The following TPGS2 variants were observed in gnomAD, a reference collection of about 807,000 sequenced individuals.
TPGS2 encodes the protein tubulin polyglutamylase complex subunit 2, also known as polyglutamylase subunit 2.
Under a neutral mutation model 31.1 loss-of-function variants are expected in TPGS2, and 26 were observed. That is an observed-to-expected ratio of 0.84 (90% CI 0.61 to 1.16). The LOEUF is 1.16. TPGS2 is among the 50% of genes most tolerant of loss of function. The probability of loss-of-function intolerance (pLI) is 0.00; values close to 1 mark genes in which losing one functional copy is unlikely to be tolerated. For synonymous variants in TPGS2, 130 were observed against 136.6 expected (o/e 0.95, Z 0.34); for missense variants, 351 against 363.8 (o/e 0.96, Z 0.29).
intron 2 of TPGS2, among the ~76,000 whole-genome samples, chr18:36,810,222 C>T (rs1177696260): frequency 6.6e-6 from 1 of 152,174 alleles, no homozygotes; most frequent in African/African-American, 2.4e-5. Context: ...CTGCATGTAG[C>T]TCTTCTGAGT....
At chr18:36,786,560 C>A (rs1039932596) in intron 6 of TPGS2, 2 of 258,104 alleles carry the variant, frequency 7.7e-6, no homozygotes, top group African/African-American at 2.2e-5. Flanking sequence ...CATGACTTAA[C>A]CCTTGGCTGA....
intron 4 of TPGS2, 37 bp from the exon 5 acceptor site, chr18:36,800,348 A>G (rs1344169348): frequency 6.3e-7 from 1 of 1,591,794 alleles, no homozygotes; most frequent in East Asian, 2.2e-5. Flanking sequence ...GTTCAAACAA[A>G]CTCAACTCAA....
chr18:36,791,910 G>T (rs1415747579), downstream of TPGS2, among the ~76,000 whole-genome samples: 1 of 151,558 alleles, frequency 6.6e-6, no homozygotes, highest in Non-Finnish European at 1.5e-5. Context: ...TGTGCCTCTG[G>T]TCCCAGGTAC....
downstream of TPGS2, among the ~76,000 whole-genome samples, chr18:36,791,597 A>G: frequency 6.6e-6 from 1 of 152,204 alleles, no homozygotes; most frequent in East Asian, 1.9e-4. Flanking sequence ...AAGGGGCAAA[A>G]GAGGAGCTAA....
At chr18:36,784,560 G>A (rs1360828899) in intron 6 of TPGS2, among the ~76,000 whole-genome samples, 2 of 152,220 alleles carry the variant, frequency 1.3e-5, no homozygotes, top group African/African-American at 2.4e-5. Flanking sequence ...GGTCTATTTG[G>A]TAGAAAAATC....
intron 2 of TPGS2, among the ~76,000 whole-genome samples, chr18:36,808,376 T>A (rs749133420): frequency 6.6e-6 from 1 of 151,984 alleles, no homozygotes; most frequent in Admixed American, 6.6e-5. Context: ...AAGTGAAGAG[T>A]GCCTGTAATC....
Position 36,794,564 on chromosome 18 carries a change from T to C in TPGS2, c.*2241A>G. ...AGATGACATAACTTCTCAACTCCCT[T>C]CTAACCTCGCTTGTCTTGGAGAAGC... On this transcript the variant is annotated 3_prime_UTR_variant, in exon 7 of 7. Transcript: ENST00000334295. The C allele has an allele frequency of 1.0e-6, 1 of 985,386 alleles. No individual in the cohort carries two copies. The highest frequency in any genetic ancestry group is 1.7e-5 in the African/African-American group (1 of 57,342). 61.0% of individuals were successfully genotyped at this position (985,386 alleles called of 1,614,324 possible).
intron 6 of TPGS2, among the ~76,000 whole-genome samples, chr18:36,785,827 A>T (rs191906234): frequency 2.2e-4 from 33 of 152,344 alleles, no homozygotes; most frequent in Non-Finnish European, 4.4e-4. Context: ...TAGGATCTGT[A>T]ACTCTGGAGA....
intron 2 of TPGS2, 71 bp from the exon 3 acceptor site, chr18:36,808,005 C>T: frequency 6.9e-7 from 1 of 1,452,104 alleles, no homozygotes; most frequent in Non-Finnish European, 9.6e-7. Flanking sequence ...GCTTAAGGCA[C>T]TGGGGACACG....
chr18:36,781,303 G>A (rs755336643), downstream of TPGS2, among the ~76,000 whole-genome samples: 4 of 152,184 alleles, frequency 2.6e-5, no homozygotes, highest in Non-Finnish European at 4.4e-5. Context: ...ATTGCAGCAG[G>A]TATTTCGAGG....
chr18:36,818,658 A>AGTGT, intron 2 of TPGS2: 1 of 445,404 alleles, frequency 2.2e-6, no homozygotes, highest in Non-Finnish European at 4.0e-6. Context: ...ACAACTTTGA[A>AGTGT]TGTCCACTGC....
chr18:36,798,355 T>C, intron 6 of TPGS2, 94 bp downstream of exon 6: 1 of 1,577,476 alleles, frequency 6.3e-7, no homozygotes, highest in Non-Finnish European at 8.6e-7. Flanking sequence ...ATCTCCTGAA[T>C]CAGATAGGGA....
chr18:36,821,197 T>C (rs1147761), intron 1 of TPGS2: 59,181 of 152,074 alleles, frequency 0.39, 13,069 homozygotes, highest in African/African-American at 0.61. Flanking sequence ...TGGCAGTCTC[T>C]CTTTGCCTTT....
At chr18:36,815,145 T>A (rs2150655014) in intron 2 of TPGS2, among the ~76,000 whole-genome samples, 1 of 152,264 alleles carries the variant, frequency 6.6e-6, no homozygotes, top group South Asian at 2.1e-4. Context: ...GTAGGAATTA[T>A]CAGCCCCTTG....
chr18:36,797,059 C>G lies in TPGS2; in HGVS notation c.658-9G>C. 1 of 1,592,082 alleles carries G rather than the reference C, an allele frequency of 6.3e-7. No individual in the cohort carries two copies. Among genetic ancestry groups the G allele is most frequent in the South Asian group, 1.2e-5 (1 of 84,984 alleles). ...TACATGCTGAACCATTGCTGTAAGG[C>G]AGAATTGGAAGACAAGGTCACAATT... On this transcript the variant is annotated splice_polypyrimidine_tract_variant and intron_variant, in intron 6 of 6. Transcript: ENST00000334295.
At position 36,794,134 on chromosome 18, in the gene TPGS2, A is replaced by T; in HGVS notation, c.*2671T>A. The T allele has an allele frequency of 3.1e-6, 1 of 324,278 alleles. No homozygotes were observed. Among genetic ancestry groups the T allele is most frequent in the Non-Finnish European group, 4.4e-6 (1 of 225,322 alleles). The allele number at this position is 324,278 out of a possible 1,614,324, so 20.1% of individuals were successfully genotyped here. The stretch of plus-strand genomic sequence containing the variant: ...GAATTTAACATTTAAGTTTTTAGTT[A>T]GAACAGCATTAAGTAGCAAATAAAA... On this transcript the variant is annotated 3_prime_UTR_variant, in exon 7 of 7. Coordinates refer to ENST00000334295, the MANE Select transcript of TPGS2 (RefSeq NM_015476.4).
At chr18:36,784,278 G>A (rs771188591) in intron 6 of TPGS2, among the ~76,000 whole-genome samples, 1 of 152,190 alleles carries the variant, frequency 6.6e-6, no homozygotes, top group South Asian at 2.1e-4. Context: ...GTAACTGTGC[G>A]CCAGGCACTT....
chr18:36,797,150 G>T, intron 6 of TPGS2, 100 bp from the exon 7 acceptor site: 2 of 1,554,870 alleles, frequency 1.3e-6, no homozygotes, highest in Non-Finnish European at 1.7e-6. Context: ...ACAGGAGGCA[G>T]AGGTACATTT....
intron 2 of TPGS2, 121 bp from the exon 3 acceptor site, chr18:36,808,055 T>C (rs2045248623): frequency 1.1e-6 from 1 of 924,234 alleles, no homozygotes; most frequent in South Asian, 1.6e-5. Flanking sequence ...AAGGCTCTGA[T>C]AGTCACCTAC....
Sources: allele counts gnomAD v4.1 joint callset (sites outside exome capture counted in the v4.1 genomes callset), GRCh38; gene constraint gnomAD v4.1.1; transcripts MANE v1.5; gene names NCBI Gene and HGNC (gene_info 2026-07-23, HGNC 2026-07-21).